TEC: variants seen among roughly 807,000 people sequenced by gnomAD.
TEC encodes the protein tec protein tyrosine kinase.
In TEC, 72 loss-of-function variants were observed where a neutral mutation model predicts 93.0. That is an observed-to-expected ratio of 0.77 (90% CI 0.64 to 0.94). TEC has a LOEUF of 0.94. TEC is among the 40% of genes least tolerant of loss of function. TEC has a pLI of 0.00. For missense variants in TEC, 630 were observed against 757.9 expected (o/e 0.83, Z 1.98); for synonymous variants, 249 against 247.7 (o/e 1.01, Z -0.05).
chr4:48,182,908 C>T (rs1002471197), intron 2 of TEC, among the ~76,000 whole-genome samples: 1 of 152,212 alleles, frequency 6.6e-6, no homozygotes. Context: ...TCTCAGGACA[C>T]CCTCTTGTCC....
chr4:48,214,874 C>T (rs1043971671), intron 2 of TEC, among the ~76,000 whole-genome samples: 2 of 150,722 alleles, frequency 1.3e-5, no homozygotes, highest in African/African-American at 2.4e-5. Flanking sequence ...ATAATTAGGC[C>T]GGGCACAGTG....
intron 9 of TEC, among the ~76,000 whole-genome samples, chr4:48,153,993 C>T (rs1720290761): frequency 6.6e-6 from 1 of 152,208 alleles, no homozygotes; most frequent in Admixed American, 6.5e-5. Context: ...ACCATCTATG[C>T]TCAGGTTTTC....
chr4:48,137,306 A>T lies in TEC; in HGVS notation c.*110T>A. ...AGAAGCAAATTATTTATGTGTTTCC[A>T]CTGTATAAGTAAAATGATCTACATG... is the stretch of plus-strand genomic sequence containing the variant. On this transcript the variant is annotated 3_prime_UTR_variant, in exon 18 of 18. Coordinates refer to ENST00000381501, the MANE Select transcript of TEC (RefSeq NM_003215.3). 1.2e-6 allele frequency: 1 copy of T among 809,514 alleles called. No individual in the cohort carries two copies. The highest frequency in any genetic ancestry group is 2.0e-6 in the Non-Finnish European group (1 of 498,098). The allele number at this position is 809,514 out of a possible 1,614,324, so 50.1% of individuals were successfully genotyped here.
Position 48,141,675 on chromosome 4 carries a change from T to C in TEC, c.1471-256A>G. 9.1e-6 allele frequency: 3 copies of C among 330,612 alleles called. No homozygotes were observed. The South Asian group carries it at 1.6e-4, about 17-fold the overall frequency. The allele number at this position is 330,612 out of a possible 1,614,324, so 20.5% of individuals were successfully genotyped here. ...ATCTTTACCAATTGTCTTTTTTTTTTCTTTTCTTTCTTTTTTTTTTTTTTG... is the reference window on the plus strand; with the variant it reads ...ATCTTTACCAATTGTCTTTTTTTTTCCTTTTCTTTCTTTTTTTTTTTTTTG... On this transcript the variant is annotated intron_variant, in intron 14 of 17. Transcript: ENST00000381501.
intron 1 of TEC, among the ~76,000 whole-genome samples, chr4:48,229,800 G>T (rs181047951): frequency 1.7e-3 from 253 of 148,472 alleles, no homozygotes; most frequent in Non-Finnish European, 2.7e-3. Context: ...TAGGCTGAGC[G>T]TGGTGGCTCA....
intron 7 of TEC, among the ~76,000 whole-genome samples, chr4:48,167,226 A>G (rs567012058): frequency 6.6e-6 from 1 of 152,252 alleles, no homozygotes; most frequent in East Asian, 1.9e-4. Flanking sequence ...CTGCATGTAC[A>G]TATATATATT....
At chr4:48,146,056 G>A (rs1346299931) in intron 12 of TEC, among the ~76,000 whole-genome samples, 1 of 152,196 alleles carries the variant, frequency 6.6e-6, no homozygotes, top group Non-Finnish European at 1.5e-5. Context: ...TAAAGCTAGT[G>A]AGAACCAGGA....
chr4:48,169,097 A>T (rs1259859228), intron 5 of TEC, among the ~76,000 whole-genome samples: 1 of 152,140 alleles, frequency 6.6e-6, no homozygotes, highest in Non-Finnish European at 1.5e-5. Flanking sequence ...TCTGTGTACA[A>T]ATGGGGTGTG....
chr4:48,156,591 T>G, intron 9 of TEC, 89 bp downstream of exon 9: 1 of 1,215,968 alleles, frequency 8.2e-7, no homozygotes, highest in Non-Finnish European at 1.2e-6. Flanking sequence ...GCTGAACACA[T>G]TTAGAAAGAG....
intron 2 of TEC, among the ~76,000 whole-genome samples, chr4:48,192,261 T>C (rs1201763096): frequency 6.6e-6 from 1 of 152,246 alleles, no homozygotes; most frequent in African/African-American, 2.4e-5. Context: ...GTACCTGCTA[T>C]ATAAGTTTGT....
chr4:48,241,890 T>C (rs1311959825), intron 1 of TEC, among the ~76,000 whole-genome samples: 1 of 152,234 alleles, frequency 6.6e-6, no homozygotes, highest in Non-Finnish European at 1.5e-5. Context: ...ATTTGAGACA[T>C]TCATGATTAT....
At chr4:48,176,389 T>C (rs1721325834) in intron 2 of TEC, among the ~76,000 whole-genome samples, 1 of 150,252 alleles carries the variant, frequency 6.7e-6, no homozygotes, top group African/African-American at 2.4e-5. Context: ...TCCTTTAATT[T>C]ATCAAGATGA....
rs1226573019 is a variant in TEC, at chr4:48,144,947, A to G, written c.1470+132T>C. The stretch of plus-strand genomic sequence containing the variant: ...TAAAATTACAGGGCAAGTTAAATTT[A>G]CCAACTTTAAAAATAATGGTGAAAG... On this transcript the variant is annotated intron_variant, in intron 14 of 17. Transcript: ENST00000381501. The G allele has an allele frequency of 3.9e-6, 3 of 759,788 alleles. No individual in the cohort carries two copies. The Admixed American group carries it at 7.3e-5, about 19-fold the overall frequency. 47.1% of individuals were successfully genotyped at this position (759,788 alleles called of 1,614,324 possible).
chr4:48,155,156 T>C (rs1278360255), intron 9 of TEC, among the ~76,000 whole-genome samples: 2 of 152,250 alleles, frequency 1.3e-5, no homozygotes, highest in Non-Finnish European at 2.9e-5. Context: ...TTGGAATGTT[T>C]GAACAGGCTT....
At position 48,138,732 on chromosome 4, in the gene TEC, T is replaced by C; in HGVS notation, c.1745A>G (p.His582Arg). 1.2e-6 allele frequency: 2 copies of C among 1,614,208 alleles called. No homozygotes were observed. The highest frequency in any genetic ancestry group is 2.2e-5 in the South Asian group (2 of 91,090). The stretch of plus-strand genomic sequence containing the variant: ...CGCCAACTTCGGCTGGTAGAGTCGG[T>C]GGCCTCGAGTAACCATGGTTACCAC... Reference protein sequence around the residue: ...YEVVTMVTRGHRLYQPKLASN... With the variant: ...YEVVTMVTRGRRLYQPKLASN... The change falls in exon 17 of 18, where the codon CAC (histidine) becomes CGC (arginine). Residue 582 changes from histidine (H) to arginine (R), a missense_variant. By Grantham distance (29) the His-to-Arg change is conservative. This residue lies in a region of TEC where 289 missense variants were observed against 390.0 expected (regional missense o/e 0.74). Coordinates refer to ENST00000381501, the MANE Select transcript of TEC (RefSeq NM_003215.3).
chr4:48,198,137 T>C (rs1309382210), intron 2 of TEC, among the ~76,000 whole-genome samples: 1 of 152,180 alleles, frequency 6.6e-6, no homozygotes, highest in Non-Finnish European at 1.5e-5. Context: ...ATGTATTGAG[T>C]TTCCACTTTT....
chr4:48,212,327 A>C (rs528400657), intron 2 of TEC, among the ~76,000 whole-genome samples: 1 of 152,208 alleles, frequency 6.6e-6, no homozygotes, highest in Non-Finnish European at 1.5e-5. Context: ...GAAGGGAAGG[A>C]GGAAGGAAAC....
chr4:48,247,406 A>T (rs961663025), intron 1 of TEC, among the ~76,000 whole-genome samples: 1 of 152,240 alleles, frequency 6.6e-6, no homozygotes, highest in Non-Finnish European at 1.5e-5. Flanking sequence ...CAACAGAATT[A>T]AAAACACATT....
intron 2 of TEC, among the ~76,000 whole-genome samples, chr4:48,194,461 C>A (rs1429568851): frequency 6.6e-6 from 1 of 152,200 alleles, no homozygotes; most frequent in Admixed American, 6.5e-5. Context: ...GATCACATTG[C>A]AGTTTGTTTT....
Sources: gnomAD v4.1 joint callset for allele counts (sites outside exome capture counted in the v4.1 genomes callset) on GRCh38, gnomAD v4.1.1 for gene constraint, gnomAD v4.1.1 regional missense constraint, MANE v1.5 for transcripts, NCBI Gene and HGNC (gene_info 2026-07-23, HGNC 2026-07-21) for gene names.